The following PACS1 variants were observed in gnomAD, a reference collection of about 807,000 sequenced individuals.
The protein encoded by PACS1 is phosphofurin acidic cluster sorting protein 1, also known as PACS-1.
In PACS1, 24 loss-of-function variants were observed where a neutral mutation model predicts 115.0. The ratio of observed to expected loss-of-function variants is 0.21; its 90% CI spans 0.15 to 0.29. The LOEUF (loss-of-function observed/expected upper bound fraction) is 0.29, where lower values mean the gene tolerates loss of function less well. Ranked by LOEUF, PACS1 falls within the 10% of genes least tolerant of loss-of-function variation. The pLI, the probability that PACS1 is intolerant of heterozygous loss-of-function variation, is 1.00. For synonymous variants in PACS1, 453 were observed against 504.5 expected (o/e 0.90, Z 1.37); for missense variants, 838 against 1,251.2 (o/e 0.67, Z 4.98).
chr11:66,179,589 A>G (rs144658750), intron 1 of PACS1, among the ~76,000 whole-genome samples: 2 of 152,242 alleles, frequency 1.3e-5, no homozygotes, highest in African/African-American at 4.8e-5. Flanking sequence ...ACCCATTCTA[A>G]TCAGAGGAAA....
chr11:66,092,993 A>G (rs1857695097), intron 1 of PACS1, among the ~76,000 whole-genome samples: 1 of 152,128 alleles, frequency 6.6e-6, no homozygotes, highest in Non-Finnish European at 1.5e-5. Context: ...TGACTTGGTG[A>G]TGCGGGCCCT....
At chr11:66,120,148 C>CT (rs367965167) in intron 1 of PACS1, among the ~76,000 whole-genome samples, 104,684 of 135,158 alleles carry the variant, frequency 0.77, 41,157 homozygotes, top group Admixed American at 0.8. Flanking sequence ...TCTGTGAACT[C>CT]TTTTTTTTTT....
chr11:66,159,285 A>C (rs1417110256), intron 1 of PACS1, among the ~76,000 whole-genome samples: 1 of 152,012 alleles, frequency 6.6e-6, no homozygotes, highest in African/African-American at 2.4e-5. Flanking sequence ...TAAAAATACA[A>C]AATTAGCTGG....
chr11:66,097,187 C>G (rs1200997474), intron 1 of PACS1, among the ~76,000 whole-genome samples: 1 of 152,142 alleles, frequency 6.6e-6, no homozygotes, highest in African/African-American at 2.4e-5. Context: ...TATTTATGGC[C>G]TAGTAGTCCT....
At chr11:66,162,469 G>A (rs1320747849) in intron 1 of PACS1, among the ~76,000 whole-genome samples, 1 of 152,136 alleles carries the variant, frequency 6.6e-6, no homozygotes. Context: ...ACATAGAAAT[G>A]GGAGAAAGGC....
chr11:66,179,938 G>T (rs778018811), intron 1 of PACS1, among the ~76,000 whole-genome samples: 1 of 150,244 alleles, frequency 6.7e-6, no homozygotes, highest in Admixed American at 6.6e-5. Flanking sequence ...TGCAACCTCC[G>T]CCTGCCAGGT....
In PACS1 at chr11:66,220,597, G is replaced by A. The variant is rs1855320190; in HGVS notation, c.1039-34G>A. The A allele has an allele frequency of 2.5e-6, 4 of 1,612,868 alleles. No individual in the cohort carries two copies. In the East Asian group the frequency reaches 8.9e-5, roughly 36 times the overall value. ...ATCAACCAAAATTGTTAATAGGGAT[G>A]ACCCTAAATTCAGAGACTCCTTTTT... is the stretch of plus-strand genomic sequence containing the variant. On this transcript the variant is annotated intron_variant, in intron 8 of 23. Transcript: ENST00000320580.
chr11:66,208,843 A>G (rs1855005753), intron 2 of PACS1, among the ~76,000 whole-genome samples: 1 of 152,156 alleles, frequency 6.6e-6, no homozygotes, highest in African/African-American at 2.4e-5. Flanking sequence ...TTGCCAGGCT[A>G]CTTTCTAAAA....
At chr11:66,081,245 A>G (rs113784765) in intron 1 of PACS1, among the ~76,000 whole-genome samples, 3,994 of 152,180 alleles carry the variant, frequency 0.026, 168 homozygotes, top group African/African-American at 0.09. Flanking sequence ...AAAAAAAGAA[A>G]AAAGAAAGAA....
chr11:66,243,509 C>T lies in PACS1; in HGVS notation c.*229C>T. ...CTTCCCGCTTTTCCCCTTCTCCCTC[C>T]TGCTCCAGGCCCAAGGCGTGTTGGT... On this transcript the variant is annotated 3_prime_UTR_variant, in exon 24 of 24. Transcript: ENST00000320580. The T allele has an allele frequency of 1.8e-6, 1 of 566,826 alleles. No homozygotes were observed. The highest frequency in any genetic ancestry group is 3.2e-6 in the Non-Finnish European group (1 of 315,246). 35.1% of individuals were successfully genotyped at this position (566,826 alleles called of 1,614,324 possible).
intron 1 of PACS1, among the ~76,000 whole-genome samples, chr11:66,118,678 GC>G (rs1858365006): frequency 6.9e-6 from 1 of 144,392 alleles, no homozygotes. Context: ...TGTAATCCCA[GC>G]ACTTTGGGAG....
At chr11:66,176,153 CAG>C (rs933432101) in intron 1 of PACS1, among the ~76,000 whole-genome samples, 3 of 152,140 alleles carry the variant, frequency 2.0e-5, no homozygotes, top group African/African-American at 7.2e-5. Context: ...TTGTGTGATG[CAG>C]AGTTTTGTAG....
intron 1 of PACS1, among the ~76,000 whole-genome samples, chr11:66,133,764 C>A (rs978847175): frequency 2.0e-5 from 3 of 152,224 alleles, no homozygotes; most frequent in Admixed American, 6.5e-5. Context: ...CTCAACCCCC[C>A]AAAGTGCTGG....
At chr11:66,214,287 C>T (rs959777595) in intron 4 of PACS1, among the ~76,000 whole-genome samples, 5 of 152,098 alleles carry the variant, frequency 3.3e-5, no homozygotes, top group South Asian at 2.1e-4. Context: ...AGTGTGGAGA[C>T]GGGGCAGTGA....
intron 1 of PACS1, among the ~76,000 whole-genome samples, chr11:66,153,877 A>G (rs753133892): frequency 2.6e-5 from 4 of 152,210 alleles, no homozygotes; most frequent in African/African-American, 4.8e-5. Context: ...ATGGAAATTT[A>G]CTGTTGTAAG....
intron 2 of PACS1, among the ~76,000 whole-genome samples, chr11:66,197,897 T>G (rs1422120714): frequency 3.3e-5 from 5 of 152,260 alleles, no homozygotes; most frequent in African/African-American, 1.2e-4. Context: ...GTCTGGATTT[T>G]TTTCATATAC....
At chr11:66,085,934 A>G (rs969454325) in intron 1 of PACS1, among the ~76,000 whole-genome samples, 3 of 152,204 alleles carry the variant, frequency 2.0e-5, no homozygotes, top group African/African-American at 7.2e-5. Flanking sequence ...TGACACCTAT[A>G]AATAGAGGCC....
intron 2 of PACS1, 76 bp downstream of exon 2, chr11:66,193,649 A>G (rs1002691952): frequency 1.6e-5 from 16 of 988,462 alleles, no homozygotes; most frequent in African/African-American, 3.2e-5. Flanking sequence ...GGCTTCAGAA[A>G]CACTACTGGG....
At chr11:66,101,490 G>A (rs981200806) in intron 1 of PACS1, among the ~76,000 whole-genome samples, 2 of 152,140 alleles carry the variant, frequency 1.3e-5, no homozygotes, top group African/African-American at 4.8e-5. Flanking sequence ...GTTCTTTTTA[G>A]ATGCTGCACA....
Sources: allele counts gnomAD v4.1 joint callset (sites outside exome capture counted in the v4.1 genomes callset), GRCh38; gene constraint gnomAD v4.1.1; transcripts MANE v1.5; gene names NCBI Gene and HGNC (gene_info 2026-07-23, HGNC 2026-07-21).